FRMD4A: variants seen among roughly 807,000 people sequenced by gnomAD.
FRMD4A encodes the protein FERM domain-containing protein 4A.
In FRMD4A, 29 loss-of-function variants were observed where a neutral mutation model predicts 129.1. The observed-to-expected ratio is 0.22, with a 90% CI of 0.17 to 0.31. The LOEUF (loss-of-function observed/expected upper bound fraction) is 0.31. Ranked by LOEUF, FRMD4A falls within the 10% of genes least tolerant of loss-of-function variation. FRMD4A has a pLI of 1.00. For synonymous variants in FRMD4A, 634 were observed against 571.6 expected, an observed-to-expected ratio of 1.11 and a Z score of -1.56; for missense variants, 1,272 against 1,375.8, an observed-to-expected ratio of 0.92 and a Z score of 1.19.
At chr10:14,141,646 T>G (rs1189978507) in intron 2 of FRMD4A, among the ~76,000 whole-genome samples, 1 of 152,000 alleles carries the variant, frequency 6.6e-6, no homozygotes, top group Non-Finnish European at 1.5e-5. Flanking sequence ...CTCAGAGGCC[T>G]TTTCCCCTGT....
At chr10:13,881,990 GGTGTGTGTGT>G (rs71388128) in intron 2 of FRMD4A, among the ~76,000 whole-genome samples, 344 of 15,636 alleles carry the variant, frequency 0.022, 3 homozygotes, top group African/African-American at 0.026. Context: ...GAGAGGCAAG[GGTGTGTGTGT>G]GTGTGTGTGT....
intron 8 of FRMD4A, among the ~76,000 whole-genome samples, chr10:13,755,430 T>G (rs2091818937): frequency 6.6e-6 from 1 of 152,200 alleles, no homozygotes; most frequent in African/African-American, 2.4e-5. Context: ...TCCACACTAG[T>G]GAGCACACCA....
chr10:13,676,150 G>A (rs2083962916), intron 15 of FRMD4A, among the ~76,000 whole-genome samples: 1 of 152,020 alleles, frequency 6.6e-6, no homozygotes, highest in Non-Finnish European at 1.5e-5. Flanking sequence ...GCCAGTGTTT[G>A]GATTCTGAAA....
intron 2 of FRMD4A, among the ~76,000 whole-genome samples, chr10:13,985,883 C>G (rs1433858461): frequency 6.6e-6 from 1 of 152,206 alleles, no homozygotes; most frequent in Non-Finnish European, 1.5e-5. Context: ...AGGCTGGCAG[C>G]TTTTCACACC....
chr10:14,184,573 G>GCT, intron 2 of FRMD4A, among the ~76,000 whole-genome samples: 1 of 151,964 alleles, frequency 6.6e-6, no homozygotes, highest in Non-Finnish European at 1.5e-5. Context: ...GAATTTGTTT[G>GCT]CTCAACAAAG....
intron 2 of FRMD4A, among the ~76,000 whole-genome samples, chr10:14,254,797 G>A (rs900833532): frequency 6.0e-5 from 9 of 151,050 alleles, no homozygotes; most frequent in African/African-American, 2.2e-4. Context: ...TAATAAAATC[G>A]AAAAAAAATA....
intron 2 of FRMD4A, among the ~76,000 whole-genome samples, chr10:14,182,964 TGGA>T (rs1378478436): frequency 6.6e-6 from 1 of 152,134 alleles, no homozygotes; most frequent in East Asian, 1.9e-4. Flanking sequence ...TTTGACCATC[TGGA>T]GGAGGTTAGG....
intron 2 of FRMD4A, among the ~76,000 whole-genome samples, chr10:14,008,769 T>C (rs2095671187): frequency 1.3e-5 from 2 of 152,286 alleles, no homozygotes; most frequent in South Asian, 2.1e-4. Flanking sequence ...GGGACCTCTT[T>C]GAAATCATAA....
intron 2 of FRMD4A, among the ~76,000 whole-genome samples, chr10:14,124,037 C>T (rs1838688179): frequency 6.6e-6 from 1 of 152,046 alleles, no homozygotes; most frequent in South Asian, 2.1e-4. Context: ...ATCAAAAGTC[C>T]ACCAACTCAC....
chr10:14,186,788 G>A (rs1252584626), intron 2 of FRMD4A, among the ~76,000 whole-genome samples: 4 of 152,114 alleles, frequency 2.6e-5, no homozygotes, highest in Admixed American at 6.5e-5. Flanking sequence ...AGCTTTGACT[G>A]TTCAGGGTGG....
At chr10:14,150,880 T>A (rs1017758214) in intron 2 of FRMD4A, among the ~76,000 whole-genome samples, 5 of 152,216 alleles carry the variant, frequency 3.3e-5, no homozygotes, top group Admixed American at 2.6e-4. Flanking sequence ...AGGCAGGTTA[T>A]CAATTTCATA....
At chr10:13,828,185 A>G (rs1377314695) in intron 3 of FRMD4A, among the ~76,000 whole-genome samples, 1 of 152,054 alleles carries the variant, frequency 6.6e-6, no homozygotes, top group African/African-American at 2.4e-5. Context: ...ATTTCTGTAC[A>G]TTGAAGTGGT....
chr10:13,701,447 T>G lies in FRMD4A; in HGVS notation c.868A>C (p.Ser290Arg). Residue 290 changes from serine to arginine, a missense_variant, in exon 14 of 25, where the codon AGC (serine) becomes CGC (arginine). Ser to Arg is a moderately radical substitution (Grantham distance 110, BLOSUM62 -1). Transcript: ENST00000357447. ...TACCACGTGTGCACTGCAATGCCGC[T>G]GTGCCCAAACGTCCTCCTTGTCACT... Reference protein sequence around the residue: ...ASVTRRTFGHSGIAVHTWYAC... With the variant: ...ASVTRRTFGHRGIAVHTWYAC... The G allele has an allele frequency of 6.2e-7, 1 of 1,613,888 alleles. No homozygotes were observed. The highest frequency in any genetic ancestry group is 1.1e-5 in the South Asian group (1 of 91,074).
intron 2 of FRMD4A, among the ~76,000 whole-genome samples, chr10:13,996,986 GCAAAACAAAACAAAA>G (rs55648919): frequency 0.21 from 31,261 of 149,530 alleles, 6,461 homozygotes; most frequent in African/African-American, 0.53. Context: ...AAAAATTGAG[GCAAAACAAAACAAAA>G]CAAAACAAAA....
At chr10:14,188,415 T>G (rs1387007699) in intron 2 of FRMD4A, among the ~76,000 whole-genome samples, 1 of 152,202 alleles carries the variant, frequency 6.6e-6, no homozygotes, top group Non-Finnish European at 1.5e-5. Flanking sequence ...CACTTTGGCT[T>G]TTAGAATCAT....
At chr10:14,075,607 T>A (rs2131723033) in intron 2 of FRMD4A, among the ~76,000 whole-genome samples, 1 of 152,362 alleles carries the variant, frequency 6.6e-6, no homozygotes, top group East Asian at 1.9e-4. Context: ...GCGTAAAGTT[T>A]CACTGGCTGT....
intron 8 of FRMD4A, among the ~76,000 whole-genome samples, chr10:13,759,001 T>G (rs1053613607): frequency 2.0e-5 from 3 of 152,182 alleles, no homozygotes; most frequent in African/African-American, 7.2e-5. Context: ...CTTCTATTAC[T>G]CCACAATTTT....
chr10:13,727,609 C>T (rs77382952), intron 12 of FRMD4A, among the ~76,000 whole-genome samples: 3,385 of 152,234 alleles, frequency 0.022, 131 homozygotes, highest in African/African-American at 0.075. Flanking sequence ...TAGTCCAGGG[C>T]ACACCCCAGT....
intron 2 of FRMD4A, among the ~76,000 whole-genome samples, chr10:14,162,641 G>GTTTTTTTTTTTTTTTTTTTT (rs71388160): frequency 2.2e-4 from 26 of 118,382 alleles, no homozygotes; most frequent in Admixed American, 3.6e-4. Flanking sequence ...TTTTTTTTTT[G>GTTTTTTTTTTTTTTTTTTTT]TTTTTTTTTT....
Sources: allele counts gnomAD v4.1 joint callset (sites outside exome capture counted in the v4.1 genomes callset), GRCh38; gene constraint gnomAD v4.1.1; transcripts MANE v1.5; gene names NCBI Gene and HGNC (gene_info 2026-07-23, HGNC 2026-07-21).